Variants in KCNU1 observed in about 807,000 individuals in gnomAD.
KCNU1 encodes potassium channel subfamily U member 1.
In KCNU1, 93 loss-of-function variants were observed where a neutral mutation model predicts 126.8. That is an observed-to-expected ratio of 0.73 (90% CI 0.62 to 0.87). The LOEUF (loss-of-function observed/expected upper bound fraction) is 0.87, where lower values mean the gene tolerates loss of function less well. Ranked by LOEUF, KCNU1 falls within the 40% of genes least tolerant of loss-of-function variation. The pLI, the probability that KCNU1 is intolerant of heterozygous loss-of-function variation, is 0.00. For synonymous variants in KCNU1, 523 were observed against 494.2 expected (o/e 1.06, Z -0.77); for missense variants, 1,330 against 1,367.1 (o/e 0.97, Z 0.43).
intron 24 of KCNU1, among the ~76,000 whole-genome samples, chr8:36,924,960 G>A (rs763338336): frequency 2.0e-5 from 3 of 152,154 alleles, no homozygotes; most frequent in African/African-American, 7.2e-5. Flanking sequence ...GGCTGGAAGA[G>A]TAAGGACAAC....
chr8:36,801,080 A>G (rs1803285693), intron 2 of KCNU1, among the ~76,000 whole-genome samples: 2 of 152,212 alleles, frequency 1.3e-5, no homozygotes, highest in Admixed American at 6.5e-5. Context: ...ATTTGTAGAC[A>G]TTGTGGTGCC....
chr8:36,861,821 A>G (rs1805740052), intron 18 of KCNU1, among the ~76,000 whole-genome samples: 1 of 152,240 alleles, frequency 6.6e-6, no homozygotes, highest in Non-Finnish European at 1.5e-5. Context: ...CATATGAGGC[A>G]TTTCTTAAAA....
intron 19 of KCNU1, among the ~76,000 whole-genome samples, chr8:36,889,458 G>T (rs145677826): frequency 6.6e-6 from 1 of 152,004 alleles, no homozygotes; most frequent in South Asian, 2.1e-4. Context: ...TGGTGTGGAG[G>T]CATCACTTTT....
intron 19 of KCNU1, among the ~76,000 whole-genome samples, chr8:36,891,753 T>G (rs530301707): frequency 4.7e-5 from 7 of 150,470 alleles, no homozygotes; most frequent in South Asian, 4.2e-4. Context: ...CTGATAAGCC[T>G]TTTTTTTGAG....
At chr8:36,872,063 T>G (rs914949273) in intron 19 of KCNU1, among the ~76,000 whole-genome samples, 12 of 152,170 alleles carry the variant, frequency 7.9e-5, no homozygotes, top group Non-Finnish European at 1.6e-4. Flanking sequence ...TCGCACTGAT[T>G]TTCACTTTGT....
In KCNU1 at chr8:36,805,182, C is replaced by T; in HGVS notation, c.378-13C>T. On this transcript the variant is annotated splice_polypyrimidine_tract_variant and intron_variant, in intron 3 of 26. Coordinates refer to ENST00000399881, the MANE Select transcript of KCNU1 (RefSeq NM_001031836.3). ...ATGTTGATCTTCACAAACTGTCCTT[C>T]TTTCTTTTCCAGCCCTGTTGGAAGC... is the stretch of plus-strand genomic sequence containing the variant. The T allele has an allele frequency of 6.3e-7, 1 of 1,592,614 alleles. No homozygotes were observed. The highest frequency in any genetic ancestry group is 1.1e-5 in the South Asian group (1 of 89,500).
At chr8:36,825,884 G>A (rs1193360003) in intron 10 of KCNU1, among the ~76,000 whole-genome samples, 1 of 151,520 alleles carries the variant, frequency 6.6e-6, no homozygotes, top group Non-Finnish European at 1.5e-5. Flanking sequence ...GACTTCTGTT[G>A]TTGCTATGAA....
At chr8:36,932,024 T>G (rs1164919296) in intron 25 of KCNU1, among the ~76,000 whole-genome samples, 1 of 152,110 alleles carries the variant, frequency 6.6e-6, no homozygotes, top group Non-Finnish European at 1.5e-5. Flanking sequence ...GGGCAGGCTG[T>G]TCCAAGGAAA....
intron 18 of KCNU1, among the ~76,000 whole-genome samples, chr8:36,859,106 A>T (rs1490103388): frequency 2.6e-5 from 4 of 152,156 alleles, no homozygotes; most frequent in Non-Finnish European, 5.9e-5. Context: ...TCACAGGTCA[A>T]TGGCTTGGTG....
intron 16 of KCNU1, among the ~76,000 whole-genome samples, chr8:36,842,536 A>C (rs1804995167): frequency 2.6e-5 from 4 of 152,256 alleles, no homozygotes; most frequent in Admixed American, 2.0e-4. Context: ...GAAACAGGTC[A>C]TAGTAAAATG....
intron 10 of KCNU1, among the ~76,000 whole-genome samples, chr8:36,818,810 A>G (rs1804016680): frequency 6.6e-6 from 1 of 152,172 alleles, no homozygotes; most frequent in Non-Finnish European, 1.5e-5. Context: ...TCATGTATGG[A>G]ATAACCGATA....
At chr8:36,926,145 A>G (rs1233846156) in intron 24 of KCNU1, among the ~76,000 whole-genome samples, 1 of 152,132 alleles carries the variant, frequency 6.6e-6, no homozygotes, top group Non-Finnish European at 1.5e-5. Flanking sequence ...TACCTCCATT[A>G]CCTGGTTTAA....
At chr8:36,808,830 G>T in intron 7 of KCNU1, 37 bp downstream of exon 7, 2 of 1,479,664 alleles carry the variant, frequency 1.4e-6, no homozygotes, top group Non-Finnish European at 1.9e-6. Context: ...GGTGTCTGTT[G>T]TTACCAGCAT....
In KCNU1 at chr8:36,860,485, G is replaced by A. The variant is rs185756023; in HGVS notation, c.1892-3919G>A. ...CCTTCTTCTTAATGGAATTAGATAA[G>A]TTTTTGGGCATGAAGTTTCTCAGCC... On this transcript the variant is annotated intron_variant, in intron 18 of 26. Coordinates refer to ENST00000399881, the MANE Select transcript of KCNU1 (RefSeq NM_001031836.3). Among the ~76,000 whole-genome samples, 628 of 152,270 alleles carry A rather than the reference G, an allele frequency of 4.1e-3. 3 individuals carry two copies. Among genetic ancestry groups the A allele is most frequent in the African/African-American group, 0.015 (608 of 41,552 alleles).
At chr8:36,878,378 C>G (rs1806347674) in intron 19 of KCNU1, among the ~76,000 whole-genome samples, 3 of 152,280 alleles carry the variant, frequency 2.0e-5, no homozygotes, top group South Asian at 4.1e-4. Context: ...ACCACGGGTC[C>G]ATGTGAGCTG....
chr8:36,827,270 A>G (rs1202141831), intron 10 of KCNU1, among the ~76,000 whole-genome samples: 1 of 152,210 alleles, frequency 6.6e-6, no homozygotes, highest in African/African-American at 2.4e-5. Context: ...TGACAGCCGA[A>G]TTATAAGCTA....
At chr8:36,805,156 A>G in intron 3 of KCNU1, 39 bp from the exon 4 acceptor site, 1 of 1,481,576 alleles carries the variant, frequency 6.7e-7, no homozygotes, top group Non-Finnish European at 9.4e-7. Flanking sequence ...CCACTTTAAA[A>G]ATGTTGATCT....
chr8:36,815,802 C>A, intron 9 of KCNU1, 115 bp downstream of exon 9: 1 of 626,186 alleles, frequency 1.6e-6, no homozygotes, highest in Admixed American at 3.5e-5. Flanking sequence ...AATATATCAG[C>A]AACATCCCGT....
At chr8:36,912,507 T>G in intron 22 of KCNU1, among the ~76,000 whole-genome samples, 1 of 152,138 alleles carries the variant, frequency 6.6e-6, no homozygotes, top group Non-Finnish European at 1.5e-5. Context: ...CTACCTCTGC[T>G]GAGCAAATCT....
Sources: gnomAD v4.1 joint callset for allele counts (sites outside exome capture counted in the v4.1 genomes callset) on GRCh38, gnomAD v4.1.1 for gene constraint, MANE v1.5 for transcripts, NCBI Gene and HGNC (gene_info 2026-07-23, HGNC 2026-07-21) for gene names.